EP400: variants seen among roughly 807,000 people sequenced by gnomAD.
EP400 encodes E1A binding protein p400, also known as E1A-binding protein p400.
A neutral mutation model predicts 354.1 loss-of-function variants in EP400; 105 were observed. The observed-to-expected ratio is 0.30, with a 90% CI of 0.25 to 0.35. The LOEUF (loss-of-function observed/expected upper bound fraction) is 0.35, where lower values mean the gene tolerates loss of function less well. EP400 is among the 10% of genes least tolerant of loss of function. The pLI is 1.00. For missense variants in EP400, 3,280 were observed against 4,121.0 expected (o/e 0.80, Z 5.59); for synonymous variants, 1,646 against 1,716.9 (o/e 0.96, Z 1.02).
chr12:131,961,129 C>T lies in EP400; in HGVS notation c.510C>T (p.Phe170=), dbSNP rs773182770. 39 of 1,611,764 alleles carry T rather than the reference C, an allele frequency of 2.4e-5. No homozygotes were observed. The Admixed American group carries it at 3.0e-4, about 12-fold the overall frequency. The change falls in exon 2 of 53, where the codon TTC becomes TTT. Residue 170 remains phenylalanine (F), a synonymous_variant. Transcript: ENST00000389561. ...GLCSSSPTGG[F]VDASVLVRQI... ...GCAGCAGCAGCCCTACAGGGGGCTT[C>T]GTGGATGCCAGCGTGCTGGTGAGGC...
At chr12:132,076,720 G>C in intron 52 of EP400, 127 bp downstream of exon 52, 1 of 828,314 alleles carries the variant, frequency 1.2e-6, no homozygotes, top group Non-Finnish European at 1.9e-6. Flanking sequence ...TTAACTTCAG[G>C]GGAAAAACTA....
rs991214828 is a variant in EP400 at position 132,038,588 on chromosome 12, A to G, written c.6207+492A>G. Among the ~76,000 whole-genome samples, 2 of 152,254 alleles carry G rather than the reference A, an allele frequency of 1.3e-5. No individual in the cohort carries two copies. Among genetic ancestry groups the G allele is most frequent in the East Asian group, 1.9e-4 (1 of 5,202 alleles). The stretch of plus-strand genomic sequence containing the variant: ...ACGTTGATACTTTTGAGTGTTGACT[A>G]CATGTTGAAGTGATAATATTTTGGC... On this transcript the variant is annotated intron_variant, in intron 32 of 52. Transcript: ENST00000389561. This position sits in a 1 kb window ranked among gnomAD's most constrained non-coding sequence, Gnocchi z 4.2.
chr12:132,074,491 C>T (rs1411577803), intron 51 of EP400, among the ~76,000 whole-genome samples: 7 of 152,156 alleles, frequency 4.6e-5, no homozygotes, highest in Non-Finnish European at 8.8e-5. Flanking sequence ...GTTATCGAGA[C>T]GTTGTCTTTG....
intron 2 of EP400, 116 bp from the exon 3 acceptor site, chr12:131,979,578 C>A: frequency 1.2e-6 from 1 of 810,196 alleles, no homozygotes; most frequent in Non-Finnish European, 1.9e-6. Flanking sequence ...GGGTAGATAA[C>A]ATTCCTGTTA....
chr12:132,002,335 G>C (rs1037277867), intron 12 of EP400, among the ~76,000 whole-genome samples: 1 of 152,040 alleles, frequency 6.6e-6, no homozygotes, highest in Non-Finnish European at 1.5e-5. Context: ...AAAGCATCAG[G>C]CAAGTATTTA....
intron 39 of EP400, among the ~76,000 whole-genome samples, chr12:132,048,539 T>A (rs1250792827): frequency 2.0e-5 from 3 of 151,006 alleles, no homozygotes; most frequent in South Asian, 4.2e-4. Flanking sequence ...TTTTTTTTTT[T>A]AGACGGGAAT....
chr12:131,982,702 G>C (rs906196175), intron 5 of EP400, among the ~76,000 whole-genome samples: 2 of 152,164 alleles, frequency 1.3e-5, no homozygotes, highest in African/African-American at 4.8e-5. Flanking sequence ...TGGGTTTGGT[G>C]ACTCACGCCT....
rs541794536 is a variant in EP400 at position 131,962,102 on chromosome 12, A to G, written c.1335+148A>G. On this transcript the variant is annotated intron_variant, in intron 2 of 52. Coordinates refer to ENST00000389561, the MANE Select transcript of EP400 (RefSeq NM_015409.5). ...GGCAAGGATTTGACCCATAAGTAAA[A>G]GTGAAGAATGTGTTTGGCCTCCTTC... The G allele has an allele frequency of 1.8e-5, 20 of 1,134,218 alleles. No homozygotes were observed. The East Asian group carries it at 4.9e-4, about 28-fold the overall frequency. The allele number at this position is 1,134,218 out of a possible 1,614,324, so 70.3% of individuals were successfully genotyped here. A position where few individuals can be genotyped will look rare whatever the true frequency, so the allele number is the denominator to read the frequency against.
chr12:132,062,086 A>G, intron 45 of EP400, 24 bp from the exon 46 acceptor site: 1 of 1,599,724 alleles, frequency 6.3e-7, no homozygotes, highest in Non-Finnish European at 8.5e-7. Flanking sequence ...ATATTTGATG[A>G]GGTCCTCTGT....
At chr12:132,009,786 C>T (rs1893702351) in intron 15 of EP400, among the ~76,000 whole-genome samples, 1 of 151,658 alleles carries the variant, frequency 6.6e-6, no homozygotes, top group African/African-American at 2.4e-5. Context: ...GCCTCAGCTT[C>T]CCAAATAGCT....
At position 131,997,725 on chromosome 12, in the gene EP400, T is replaced by A. The variant is rs143680632; in HGVS notation, c.2827+2769T>A. Reference sequence around the variant, plus strand: ...TCATCCTCGTCATCTTCACGTTGAGTAGGATGAGGAGGGAGTGGGGGAGGG... The same window carrying A: ...TCATCCTCGTCATCTTCACGTTGAGAAGGATGAGGAGGGAGTGGGGGAGGG... On this transcript the variant is annotated intron_variant, in intron 12 of 52. Coordinates refer to ENST00000389561, the MANE Select transcript of EP400 (RefSeq NM_015409.5). Among the ~76,000 whole-genome samples, 57 of 148,822 alleles carry A rather than the reference T, an allele frequency of 3.8e-4. 1 individual carries two copies. The highest frequency in any genetic ancestry group is 1.3e-3 in the African/African-American group (53 of 40,246).
intron 12 of EP400, among the ~76,000 whole-genome samples, chr12:132,001,258 A>G (rs908553070): frequency 6.6e-6 from 1 of 152,108 alleles, no homozygotes; most frequent in African/African-American, 2.4e-5. Context: ...GGGCAGGGTA[A>G]ATAGTGTGAG....
Position 132,013,370 on chromosome 12 carries a change from C to A in EP400, c.3612-120C>A. 7.1e-7 allele frequency: 1 copy of A among 1,406,886 alleles called. No individual in the cohort carries two copies. The highest frequency in any genetic ancestry group is 9.6e-7 in the Non-Finnish European group (1 of 1,044,784). 87.2% of individuals were successfully genotyped at this position (1,406,886 alleles called of 1,614,324 possible). Reference sequence around the variant, plus strand: ...TGCAGCCCCCCTTTTCAGGCATGTGCACGTTGACATTTGCGGTGTCAAATT... The same window carrying A: ...TGCAGCCCCCCTTTTCAGGCATGTGAACGTTGACATTTGCGGTGTCAAATT... On this transcript the variant is annotated intron_variant, in intron 17 of 52. Transcript: ENST00000389561. The surrounding 1 kb of genome is among the most constrained non-coding windows in gnomAD (Gnocchi z 4.5).
At chr12:132,033,612 G>A (rs1351352163) in intron 30 of EP400, among the ~76,000 whole-genome samples, 4 of 151,122 alleles carry the variant, frequency 2.6e-5, no homozygotes, top group African/African-American at 4.9e-5. Flanking sequence ...GCTCACTGAC[G>A]CTTCTATCTC....
chr12:132,020,569 A>T (rs1363392832), intron 22 of EP400, among the ~76,000 whole-genome samples: 1 of 152,166 alleles, frequency 6.6e-6, no homozygotes, highest in African/African-American at 2.4e-5. Context: ...CTGTCACTTG[A>T]ACTTAATTAT....
rs1894335115 is a variant in EP400, at chr12:132,027,132, GGGATGCTTCT to G, written c.5015-302_5015-293del. Among the ~76,000 whole-genome samples, 1 of 152,212 alleles carries G rather than the reference GGGATGCTTCT, an allele frequency of 6.6e-6. No individual in the cohort carries two copies. Among genetic ancestry groups the G allele is most frequent in the Admixed American group, 6.5e-5 (1 of 15,282 alleles). ...GTACCCAGGGCCTCGGAGGTGTGCT[GGGATGCTTCT>G]GGGTGGCTCTGGAGTGCCTCCCAAA... On this transcript the variant is annotated intron_variant, in intron 25 of 52. Coordinates refer to ENST00000389561, the MANE Select transcript of EP400 (RefSeq NM_015409.5). This position sits in a 1 kb window ranked among gnomAD's most constrained non-coding sequence, Gnocchi z 4.9.
chr12:132,016,939 C>T (rs914326307), intron 19 of EP400, among the ~76,000 whole-genome samples: 5 of 152,200 alleles, frequency 3.3e-5, no homozygotes, highest in African/African-American at 7.2e-5. Flanking sequence ...AGTTACCTGT[C>T]GTCACTATCA....
chr12:131,963,000 A>G (rs1891946923), intron 2 of EP400, among the ~76,000 whole-genome samples: 1 of 152,112 alleles, frequency 6.6e-6, no homozygotes, highest in Non-Finnish European at 1.5e-5. Flanking sequence ...GATGGACCAT[A>G]TTTGTTTTTC....
chr12:132,066,678 A>C (rs964716717), intron 48 of EP400, 96 bp from the exon 49 acceptor site: 25 of 1,311,292 alleles, frequency 1.9e-5, no homozygotes, highest in Admixed American at 2.5e-5. Context: ...GATCTTTGTA[A>C]ATTTTCTCAT....
Sources: gnomAD v4.1 joint callset for allele counts (sites outside exome capture counted in the v4.1 genomes callset) on GRCh38, gnomAD v4.1.1 for gene constraint, Gnocchi (gnomAD v3.1) non-coding constraint, MANE v1.5 for transcripts, NCBI Gene and HGNC (gene_info 2026-07-23, HGNC 2026-07-21) for gene names.